Variants in SLFN11 observed in about 807,000 individuals in gnomAD.
SLFN11 encodes the protein schlafen family member 11.
SLFN11 carries 43 observed loss-of-function variants against 53.4 expected under a neutral mutation model. The observed-to-expected ratio is 0.80, with a 90% CI of 0.63 to 1.04. SLFN11 has a LOEUF of 1.04. Ranked by LOEUF, SLFN11 falls within the 50% of genes least tolerant of loss-of-function variation. The pLI, the probability that SLFN11 is intolerant of heterozygous loss-of-function variation, is 0.00. For missense variants in SLFN11, 990 were observed against 1,079.1 expected, an observed-to-expected ratio of 0.92 and a Z score of 1.16; for synonymous variants, 389 against 394.7, an observed-to-expected ratio of 0.99 and a Z score of 0.17.
chr17:35,353,039 T>C lies in SLFN11; in HGVS notation c.2023A>G (p.Thr675Ala). ...TTCCCATACCAGTCCCCATCTTCAG[T>C]ACGGAAATTCTGAGCTTCGTCAATG... ...IVIDEAQNFRTEDGDWYGKAK... is the reference protein window; with the variant it reads ...IVIDEAQNFRAEDGDWYGKAK... The change falls in exon 7 of 7, where the codon ACT (threonine) becomes GCT (alanine). Residue 675 changes from threonine (T) to alanine (A), a missense_variant. Physicochemically the swap from Thr to Ala is moderately conservative, Grantham distance 58. Around this residue, in one of 3 missense-constraint regions of SLFN11, gnomAD observed 313 missense variants for 320.9 expected, o/e 0.98. Transcript: ENST00000685675. 1 of 1,614,204 alleles carries C rather than the reference T, an allele frequency of 6.2e-7. No individual in the cohort carries two copies.
chr17:35,352,716 G>A lies in SLFN11; in HGVS notation c.2346C>T (p.Tyr782=). 1 of 1,614,184 alleles carries A rather than the reference G, an allele frequency of 6.2e-7. No individual in the cohort carries two copies. Among genetic ancestry groups the A allele is most frequent in the Non-Finnish European group, 8.5e-7 (1 of 1,180,034 alleles). ...GVQGTLRIKK[Y]LTVEQIMTCV... is the part of the protein sequence containing the mutation. ...AGGTCATTATTTGCTCCACAGTCAA[G>A]TATTTCTTAATTCGTAAGGTTCCCT... Residue 782 remains tyrosine, a synonymous_variant, in exon 7 of 7, where the codon TAC becomes TAT. Transcript: ENST00000685675.
intron 5 of SLFN11, among the ~76,000 whole-genome samples, chr17:35,359,251 A>T (rs1322155829): frequency 6.6e-6 from 1 of 152,120 alleles, no homozygotes; most frequent in African/African-American, 2.4e-5. Context: ...TGAGCTTAAA[A>T]GGTGATTAGC....
chr17:35,352,110 A>G lies in SLFN11; in HGVS notation c.*246T>C. 1.7e-6 allele frequency: 1 copy of G among 573,444 alleles called. No individual in the cohort carries two copies. The allele number at this position is 573,444 out of a possible 1,614,324, so 35.5% of individuals were successfully genotyped here. A position where few individuals can be genotyped will look rare whatever the true frequency, so the allele number is the denominator to read the frequency against. On this transcript the variant is annotated 3_prime_UTR_variant, in exon 7 of 7. Coordinates refer to ENST00000685675, the MANE Select transcript of SLFN11 (RefSeq NM_001376007.1). ...CAGATCGGCATTGTGCAGGACAGCT[A>G]AAGTTCCTTTAGAAAACCACCATCT...
chr17:35,368,261 G>A (rs1909214524), intron 1 of SLFN11, among the ~76,000 whole-genome samples: 1 of 152,074 alleles, frequency 6.6e-6, no homozygotes, highest in Admixed American at 6.5e-5. Flanking sequence ...CGGTGTAATA[G>A]AAGGCTCCAC....
At chr17:35,354,858 A>C (rs1340220267) in intron 5 of SLFN11, among the ~76,000 whole-genome samples, 1 of 152,022 alleles carries the variant, frequency 6.6e-6, no homozygotes, top group Non-Finnish European at 1.5e-5. Flanking sequence ...TTGTAGTGGT[A>C]ATTTCAAATG....
chr17:35,365,737 A>G (rs1419772430), intron 3 of SLFN11, among the ~76,000 whole-genome samples: 1 of 152,216 alleles, frequency 6.6e-6, no homozygotes, highest in Non-Finnish European at 1.5e-5. Flanking sequence ...ATCTTCAAGT[A>G]TAAATAAACT....
intron 1 of SLFN11, 142 bp downstream of exon 1, chr17:35,373,332 A>AGTTT (rs1909937461): frequency 6.8e-6 from 1 of 145,996 alleles, no homozygotes; most frequent in Non-Finnish European, 1.5e-5. Context: ...TGAGCAAACT[A>AGTTT]GCTGGGCCCC....
At chr17:35,357,016 C>T (rs7211677) in intron 5 of SLFN11, among the ~76,000 whole-genome samples, 17,641 of 151,844 alleles carry the variant, frequency 0.12, 1,871 homozygotes, top group African/African-American at 0.28. Flanking sequence ...ATCCAGTAGA[C>T]GGAAATAATT....
At chr17:35,360,584 T>G (rs1398646499) in intron 4 of SLFN11, among the ~76,000 whole-genome samples, 3 of 152,094 alleles carry the variant, frequency 2.0e-5, no homozygotes, top group Admixed American at 2.0e-4. Flanking sequence ...TTTGGAAGTT[T>G]AACTGTATTT....
rs939685161 is a variant in SLFN11 at position 35,352,495 on chromosome 17, C to T, written c.2567G>A (p.Arg856Gln). The T allele has an allele frequency of 8.1e-6, 13 of 1,614,046 alleles. No individual in the cohort carries two copies. The highest frequency in any genetic ancestry group is 1.3e-5 in the African/African-American group (1 of 74,896). ...TATGCTCCTTTCCAGGCCTGAGAAT[C>T]GCCGAACACTGTCCAACACAATGTG... is the stretch of plus-strand genomic sequence containing the variant. ...GDHIVLDSVR[R>Q]FSGLERSIVF... is the part of the protein sequence containing the mutation. Residue 856 changes from arginine to glutamine, a missense_variant, in exon 7 of 7, where the codon CGA (arginine) becomes CAA (glutamine). Coordinates refer to ENST00000685675, the MANE Select transcript of SLFN11 (RefSeq NM_001376007.1).
chr17:35,357,596 G>T (rs1907677430), intron 5 of SLFN11, among the ~76,000 whole-genome samples: 1 of 150,578 alleles, frequency 6.6e-6, no homozygotes, highest in African/African-American at 2.4e-5. Flanking sequence ...TGCAAGGCCA[G>T]TTTCATGATA....
At chr17:35,371,859 A>C (rs1425280305) in intron 1 of SLFN11, among the ~76,000 whole-genome samples, 1 of 152,106 alleles carries the variant, frequency 6.6e-6, no homozygotes, top group Non-Finnish European at 1.5e-5. Flanking sequence ...GGAACCCTCA[A>C]ACAGTGTTGG....
At chr17:35,366,479 A>G (rs961364476) in intron 3 of SLFN11, among the ~76,000 whole-genome samples, 1 of 152,168 alleles carries the variant, frequency 6.6e-6, no homozygotes, top group Middle Eastern at 3.2e-3. Context: ...AATTTTAAAT[A>G]CAGTCAACAA....
chr17:35,359,393 T>G (rs917584777), intron 5 of SLFN11, among the ~76,000 whole-genome samples: 2 of 152,108 alleles, frequency 1.3e-5, no homozygotes, highest in African/African-American at 4.8e-5. Context: ...GGGGCAGTCA[T>G]TATCTATTAA....
rs143096498 is a variant in SLFN11, at chr17:35,352,996, C to T, written c.2066G>A (p.Arg689Gln). Residue 689 changes from arginine to glutamine, a missense_variant, in exon 7 of 7, where the codon CGG becomes CAG. Transcript: ENST00000685675. ...AATTCCTGGGCCACCCTTTGCTCTC[C>T]GAGTGATGCTTTTTGCCTTCCCATA... Reference protein sequence around the residue: ...DWYGKAKSITRRAKGGPGILW... With the variant: ...DWYGKAKSITQRAKGGPGILW... 277 of 1,613,876 alleles carry T rather than the reference C, an allele frequency of 1.7e-4. No individual in the cohort carries two copies. In the African/African-American group the frequency reaches 2.5e-3, roughly 14 times the overall value.
intron 1 of SLFN11, among the ~76,000 whole-genome samples, chr17:35,368,063 T>G (rs1909187351): frequency 6.6e-6 from 1 of 152,106 alleles, no homozygotes; most frequent in South Asian, 2.1e-4. Flanking sequence ...GGAATTAGCC[T>G]GGGAAAACTT....
rs750353641 is a variant in SLFN11 at position 35,363,247 on chromosome 17, C to G, written c.561G>C (p.Ser187=). The G allele has an allele frequency of 6.2e-7, 1 of 1,613,918 alleles. No homozygotes were observed. Among genetic ancestry groups the G allele is most frequent in the South Asian group, 1.1e-5 (1 of 91,072 alleles). Reference sequence around the variant, plus strand: ...TTTGGAAAATTAGGTCAGCAGGATCCGAGTTTGGGTCAGCAGGATCCGAGT... The same window carrying G: ...TTTGGAAAATTAGGTCAGCAGGATCGGAGTTTGGGTCAGCAGGATCCGAGT... ...LPNSDPADPN[S]DPADLIFQKD... is the part of the protein sequence containing the mutation. Residue 187 remains serine, a synonymous_variant, in exon 4 of 7, where the codon TCG becomes TCC. Coordinates refer to ENST00000685675, the MANE Select transcript of SLFN11 (RefSeq NM_001376007.1).
chr17:35,352,590 A>T lies in SLFN11; in HGVS notation c.2472T>A (p.Tyr824Ter), dbSNP rs545102309. ...STAKEVEHYK[Y>*]ELLKAMRKKR... ...TCTTCCTCATTGCTTTCAAGAGCTC[A>T]TACTTATAGTGCTCCACTTCTTTTG... Residue 824 changes from tyrosine to a stop codon, truncating the protein, a stop_gained, in exon 7 of 7, where the codon TAT becomes TAA. Transcript: ENST00000685675. LOFTEE classifies it low-confidence loss of function (END_TRUNC). 6.2e-7 allele frequency: 1 copy of T among 1,614,240 alleles called. No homozygotes were observed. The highest frequency in any genetic ancestry group is 2.2e-5 in the East Asian group (1 of 44,882).
At position 35,352,789 on chromosome 17, in the gene SLFN11, G is replaced by T. The variant is rs762086056; in HGVS notation, c.2273C>A (p.Thr758Asn). 4.3e-6 allele frequency: 7 copies of T among 1,614,238 alleles called. No homozygotes were observed. The highest frequency in any genetic ancestry group is 5.9e-6 in the Non-Finnish European group (7 of 1,180,038). Residue 758 changes from threonine (T) to asparagine (N), a missense_variant, in exon 7 of 7, where the codon ACT (threonine) becomes AAT (asparagine). Coordinates refer to ENST00000685675, the MANE Select transcript of SLFN11 (RefSeq NM_001376007.1). Reference protein sequence around the residue: ...IRSNPSFNIPTGCLEVFPEAE... With the variant: ...IRSNPSFNIPNGCLEVFPEAE... ...TTCAGGAAATACCTCGAGGCACCCA[G>T]TGGGGATGTTAAATGAAGGATTACT...
Sources: allele counts gnomAD v4.1 joint callset (sites outside exome capture counted in the v4.1 genomes callset), GRCh38; gene constraint gnomAD v4.1.1; regional missense constraint gnomAD v4.1.1; transcripts MANE v1.5; gene names NCBI Gene and HGNC (gene_info 2026-07-23, HGNC 2026-07-21).